Variants in ZCCHC14 observed in about 807,000 individuals in gnomAD.
ZCCHC14 encodes zinc finger CCHC domain-containing protein 14.
In ZCCHC14, 16 loss-of-function variants were observed where a neutral mutation model predicts 85.0. The observed-to-expected ratio is 0.19, with a 90% CI of 0.13 to 0.29. The LOEUF (loss-of-function observed/expected upper bound fraction) is 0.29. ZCCHC14 is among the 10% of genes least tolerant of loss of function. ZCCHC14 has a pLI of 1.00. For synonymous variants in ZCCHC14, 775 were observed against 630.7 expected (o/e 1.23, Z -3.43); for missense variants, 1,303 against 1,443.5 (o/e 0.90, Z 1.58).
At chr16:87,479,284 C>T (rs182457921) in intron 1 of ZCCHC14, among the ~76,000 whole-genome samples, 9 of 151,946 alleles carry the variant, frequency 5.9e-5, no homozygotes, top group Admixed American at 2.0e-4. Context: ...GGTGTGGTGG[C>T]GGGTGCCTGT....
intron 3 of ZCCHC14, among the ~76,000 whole-genome samples, chr16:87,425,234 C>T (rs910119212): frequency 2.0e-5 from 3 of 152,184 alleles, no homozygotes; most frequent in African/African-American, 4.8e-5. Context: ...CTGGAACTAA[C>T]GGCTGCAAGG....
intron 4 of ZCCHC14, among the ~76,000 whole-genome samples, 200 bp downstream of exon 4, chr16:87,423,610 C>T (rs543033120): frequency 1.3e-5 from 2 of 152,176 alleles, no homozygotes; most frequent in Admixed American, 6.5e-5. Context: ...GAGGCATCCG[C>T]GGGGTCACGG....
chr16:87,457,551 ACTGTTG>A (rs1785670989), intron 2 of ZCCHC14, among the ~76,000 whole-genome samples: 1 of 152,210 alleles, frequency 6.6e-6, no homozygotes, highest in East Asian at 1.9e-4. Flanking sequence ...ATGTGCTTGG[ACTGTTG>A]TTCAAGTATA....
At chr16:87,455,911 G>C (rs1464651097) in intron 2 of ZCCHC14, among the ~76,000 whole-genome samples, 1 of 152,224 alleles carries the variant, frequency 6.6e-6, no homozygotes, top group African/African-American at 2.4e-5. Flanking sequence ...CAAGCGTTCT[G>C]AGCACATTTA....
At chr16:87,419,706 G>C in intron 6 of ZCCHC14, 77 bp downstream of exon 6, 1 of 1,287,984 alleles carries the variant, frequency 7.8e-7, no homozygotes. Flanking sequence ...AAAGTGCTGG[G>C]ATTACAAGCA....
chr16:87,431,047 G>A (rs1429184171), intron 3 of ZCCHC14, among the ~76,000 whole-genome samples: 2 of 152,110 alleles, frequency 1.3e-5, no homozygotes, highest in Admixed American at 1.3e-4. Flanking sequence ...GCTAAGGTGA[G>A]GGGACTGCTT....
intron 8 of ZCCHC14, among the ~76,000 whole-genome samples, chr16:87,415,753 T>C (rs1418264092): frequency 6.6e-6 from 1 of 152,148 alleles, no homozygotes; most frequent in Non-Finnish European, 1.5e-5. Flanking sequence ...CTTGCATAAG[T>C]CACAGTTTGA....
chr16:87,463,556 C>T (rs4583242), intron 1 of ZCCHC14, among the ~76,000 whole-genome samples: 116,132 of 152,080 alleles, frequency 0.76, 44,964 homozygotes, highest in Non-Finnish European at 0.83. Context: ...CGGTGGCTCA[C>T]GTCTGTAATC....
In ZCCHC14 at chr16:87,491,714, C is replaced by G. The variant is rs751254022; in HGVS notation, c.525G>C (p.Ala175=). ...NGGGGHGGKG[A]PGPGGALPTC... Reference sequence around the variant, plus strand: ...TGGGCAGCGCGCCGCCCGGCCCGGGCGCGCCCTTGCCGCCGTGGCCCCCGC... The same window carrying G: ...TGGGCAGCGCGCCGCCCGGCCCGGGGGCGCCCTTGCCGCCGTGGCCCCCGC... The change falls in exon 1 of 13, where the codon GCG becomes GCC. Residue 175 remains alanine (A), a synonymous_variant. Coordinates refer to ENST00000671377, the MANE Select transcript of ZCCHC14 (RefSeq NM_015144.3). The surrounding 1 kb of genome is among the most constrained non-coding windows in gnomAD (Gnocchi z 5.9). 18 of 1,534,920 alleles carry G rather than the reference C, an allele frequency of 1.2e-5. No homozygotes were observed. Among genetic ancestry groups the G allele is most frequent in the Non-Finnish European group, 1.6e-5 (18 of 1,146,752 alleles).
intron 2 of ZCCHC14, among the ~76,000 whole-genome samples, chr16:87,446,248 C>G (rs1910432516): frequency 6.6e-6 from 1 of 151,788 alleles, no homozygotes; most frequent in Admixed American, 6.6e-5. Flanking sequence ...CTTTGGGAGA[C>G]CAAGGTGGGT....
In ZCCHC14 at chr16:87,445,051, TTTTG is replaced by T. The variant is rs1910367428; in HGVS notation, c.695-11854_695-11851del. Among the ~76,000 whole-genome samples the T allele has an allele frequency of 2.0e-5, 3 of 146,762 alleles. No individual in the cohort carries two copies. The Admixed American group carries it at 2.1e-4, about 10-fold the overall frequency. On this transcript the variant is annotated intron_variant, in intron 2 of 12. Transcript: ENST00000671377. ...TGACAACTTTTCTATAAATTTGTGA[TTTTG>T]TTTTTCAAAATAAACTTTTTTTTTT...
chr16:87,414,951 G>A (rs1451688957), intron 9 of ZCCHC14, among the ~76,000 whole-genome samples: 1 of 152,110 alleles, frequency 6.6e-6, no homozygotes, highest in Admixed American at 6.5e-5. Flanking sequence ...GCGTGGTGGC[G>A]GGTGCCTGTA....
intron 1 of ZCCHC14, among the ~76,000 whole-genome samples, chr16:87,462,983 G>A (rs536454013): frequency 2.6e-5 from 4 of 152,192 alleles, no homozygotes; most frequent in East Asian, 1.9e-4. Flanking sequence ...CAGGAGAATC[G>A]CTTGAACCCC....
intron 1 of ZCCHC14, among the ~76,000 whole-genome samples, chr16:87,483,722 T>C (rs2150777540): frequency 6.6e-6 from 1 of 152,248 alleles, no homozygotes; most frequent in African/African-American, 2.4e-5. Context: ...AAACAGGCCT[T>C]GTATGTGGCT....
chr16:87,427,133 C>T (rs778932903), intron 3 of ZCCHC14, among the ~76,000 whole-genome samples: 60 of 152,262 alleles, frequency 3.9e-4, no homozygotes, highest in Non-Finnish European at 7.9e-4. Flanking sequence ...GTGTTGGATA[C>T]TGGGTGAGAC....
rs1327167150 is a variant in ZCCHC14 at position 87,492,316 on chromosome 16, G to C, written c.-78C>G. 2.9e-6 allele frequency: 2 copies of C among 685,844 alleles called. No individual in the cohort carries two copies. Among genetic ancestry groups the C allele is most frequent in the East Asian group, 1.4e-4 (1 of 7,222 alleles). 42.5% of individuals were successfully genotyped at this position (685,844 alleles called of 1,614,324 possible). The stretch of plus-strand genomic sequence containing the variant: ...CCGGGGGGCGCCGGGGGCCGCGGCC[G>C]GGGCGCGCCGGGACCGGGGACGCGC... On this transcript the variant is annotated 5_prime_UTR_variant, in exon 1 of 13. Transcript: ENST00000671377. The surrounding 1 kb of genome is among the most constrained non-coding windows in gnomAD (Gnocchi z 6.7).
chr16:87,489,159 A>G (rs1912640956), intron 1 of ZCCHC14, among the ~76,000 whole-genome samples: 1 of 152,252 alleles, frequency 6.6e-6, no homozygotes, highest in South Asian at 2.1e-4. Context: ...TGAAGCAGCA[A>G]CAGAAACGAA....
At chr16:87,433,576 G>A (rs948064958) in intron 2 of ZCCHC14, among the ~76,000 whole-genome samples, 1 of 152,180 alleles carries the variant, frequency 6.6e-6, no homozygotes, top group Non-Finnish European at 1.5e-5. Context: ...CTTCTGAAAA[G>A]GTAATGCTCA....
chr16:87,439,639 T>C (rs561669632), intron 2 of ZCCHC14, among the ~76,000 whole-genome samples: 248 of 152,330 alleles, frequency 1.6e-3, no homozygotes, highest in South Asian at 4.1e-3. Context: ...AAATATCACA[T>C]ACACCTCCAA....
Sources: allele counts gnomAD v4.1 joint callset (sites outside exome capture counted in the v4.1 genomes callset), GRCh38; gene constraint gnomAD v4.1.1; non-coding constraint Gnocchi (gnomAD v3.1); transcripts MANE v1.5; gene names NCBI Gene and HGNC (gene_info 2026-07-23, HGNC 2026-07-21).